Variants in RSU1 observed in about 807,000 individuals in gnomAD.
The protein encoded by RSU1 is rsu-1.
RSU1 carries 26 observed loss-of-function variants against 31.1 expected under a neutral mutation model. The observed-to-expected ratio is 0.84, with a 90% CI of 0.61 to 1.16. RSU1 has a LOEUF of 1.16. Among genes scored for constraint, RSU1 ranks in the 50% most tolerant of loss-of-function variants. The pLI is 0.00. For synonymous variants in RSU1, 164 were observed against 136.3 expected, an observed-to-expected ratio of 1.20 and a Z score of -1.41; for missense variants, 320 against 339.1, an observed-to-expected ratio of 0.94 and a Z score of 0.44.
chr10:16,815,515 C>G (rs1838510383), intron 2 of RSU1, among the ~76,000 whole-genome samples: 1 of 152,138 alleles, frequency 6.6e-6, no homozygotes, highest in South Asian at 2.1e-4. Flanking sequence ...AGTTGATATC[C>G]CAAACTCACA....
chr10:16,666,442 C>T (rs1314015072), intron 8 of RSU1, among the ~76,000 whole-genome samples: 1 of 152,198 alleles, frequency 6.6e-6, no homozygotes, highest in African/African-American at 2.4e-5. Flanking sequence ...AAGATACTTA[C>T]TTTAGACTTT....
chr10:16,594,699 T>C (rs955793291), intron 8 of RSU1, among the ~76,000 whole-genome samples: 4 of 147,428 alleles, frequency 2.7e-5, no homozygotes, highest in African/African-American at 9.9e-5. Flanking sequence ...ATTATATGTA[T>C]CATAGATAAT....
intron 7 of RSU1, among the ~76,000 whole-genome samples, chr10:16,715,595 G>C (rs1836124400): frequency 6.6e-6 from 1 of 152,148 alleles, no homozygotes; most frequent in East Asian, 1.9e-4. Flanking sequence ...GGGCACACTT[G>C]TCAAAAAATC....
intron 7 of RSU1, among the ~76,000 whole-genome samples, chr10:16,712,617 C>A (rs973964013): frequency 6.6e-6 from 1 of 152,132 alleles, no homozygotes; most frequent in Non-Finnish European, 1.5e-5. Flanking sequence ...TAACCCCATA[C>A]ACAATTAATA....
intron 2 of RSU1, among the ~76,000 whole-genome samples, chr10:16,806,041 A>G (rs1458984188): frequency 5.3e-5 from 8 of 152,220 alleles, no homozygotes; most frequent in South Asian, 4.1e-4. Context: ...TTGCTTTGAA[A>G]ATCTGTCAAC....
chr10:16,762,557 CCTTTT>C (rs1272459976), intron 4 of RSU1, among the ~76,000 whole-genome samples: 1 of 151,698 alleles, frequency 6.6e-6, no homozygotes, highest in Non-Finnish European at 1.5e-5. Context: ...GTTCCTCCCT[CCTTTT>C]AACTTCACTT....
At chr10:16,726,906 C>T (rs928292024) in intron 7 of RSU1, 1 of 377,654 alleles carries the variant, frequency 2.6e-6, no homozygotes, top group Non-Finnish European at 5.3e-6. Flanking sequence ...ATCCACCATG[C>T]AGAAGGGCGT....
chr10:16,711,041 G>A (rs1289321602), intron 7 of RSU1, among the ~76,000 whole-genome samples: 2 of 152,082 alleles, frequency 1.3e-5, no homozygotes, highest in Non-Finnish European at 2.9e-5. Flanking sequence ...GTGTATATGT[G>A]CCACATTTTC....
intron 3 of RSU1, among the ~76,000 whole-genome samples, chr10:16,771,586 T>C (rs1461227688): frequency 1.3e-5 from 2 of 152,206 alleles, no homozygotes; most frequent in African/African-American, 2.4e-5. Flanking sequence ...ATAATTACAT[T>C]CTTCAGCACT....
At chr10:16,747,455 A>C (rs1378868344) in intron 7 of RSU1, among the ~76,000 whole-genome samples, 1 of 151,988 alleles carries the variant, frequency 6.6e-6, no homozygotes, top group Non-Finnish European at 1.5e-5. Context: ...ACTCTTCCTA[A>C]AATCTTTCCC....
chr10:16,629,201 G>A (rs1834207395), intron 8 of RSU1, among the ~76,000 whole-genome samples: 1 of 152,142 alleles, frequency 6.6e-6, no homozygotes, highest in African/African-American at 2.4e-5. Flanking sequence ...CGGTGGGTCT[G>A]GGGTGGGGCC....
intron 7 of RSU1, among the ~76,000 whole-genome samples, chr10:16,721,908 C>G (rs1352741425): frequency 2.0e-5 from 3 of 152,130 alleles, no homozygotes; most frequent in Admixed American, 2.0e-4. Flanking sequence ...CAATGTAAAG[C>G]TGTTAGAACA....
At chr10:16,777,896 A>G (rs573186066) in intron 3 of RSU1, among the ~76,000 whole-genome samples, 1 of 152,300 alleles carries the variant, frequency 6.6e-6, no homozygotes, top group Admixed American at 6.5e-5. Context: ...GCGGTCATGA[A>G]AACAGTTTCC....
intron 8 of RSU1, among the ~76,000 whole-genome samples, chr10:16,669,283 T>G (rs1403601090): frequency 1.3e-5 from 2 of 152,086 alleles, no homozygotes; most frequent in African/African-American, 4.8e-5. Flanking sequence ...AATGTAGAAC[T>G]GTCATTCAAA....
chr10:16,809,517 T>G (rs779181870), intron 2 of RSU1, among the ~76,000 whole-genome samples: 3 of 152,186 alleles, frequency 2.0e-5, no homozygotes, highest in Non-Finnish European at 4.4e-5. Context: ...GGCTCAACAC[T>G]GACCCCTGCT....
chr10:16,591,957 T>TATCA lies in RSU1; in HGVS notation c.*1433_*1436dup, dbSNP rs1356040385. 4.0e-5 allele frequency: 6 copies of TATCA among 151,662 alleles called. No individual in the cohort carries two copies. The highest frequency in any genetic ancestry group is 7.3e-5 in the African/African-American group (3 of 40,892). 9.4% of individuals were successfully genotyped at this position (151,662 alleles called of 1,614,324 possible). A position where few individuals can be genotyped will look rare whatever the true frequency, so the allele number is the denominator to read the frequency against. ...AGCCACTTCCCACATTTAAATGTTC[T>TATCA]ATCAGGAATTTGTCTAGAAGCCAGA... On this transcript the variant is annotated 3_prime_UTR_variant, in exon 9 of 9. Coordinates refer to ENST00000345264, the MANE Select transcript of RSU1 (RefSeq NM_012425.4).
intron 2 of RSU1, among the ~76,000 whole-genome samples, chr10:16,792,526 C>T (rs115715546): frequency 0.013 from 1,948 of 152,294 alleles, 54 homozygotes; most frequent in African/African-American, 0.043. Context: ...CCACTGCGCC[C>T]GGCCAGGGCT....
intron 4 of RSU1, 131 bp downstream of exon 4, chr10:16,764,259 A>T (rs1428229868): frequency 9.0e-7 from 1 of 1,109,438 alleles, no homozygotes; most frequent in Non-Finnish European, 1.2e-6. Context: ...TTTTTTTAAG[A>T]CCCAAAACAT....
At chr10:16,800,885 A>G (rs183397330) in intron 2 of RSU1, among the ~76,000 whole-genome samples, 5 of 152,160 alleles carry the variant, frequency 3.3e-5, no homozygotes, top group South Asian at 2.1e-4. Context: ...AGAAAACGGA[A>G]TATGTTGTGA....
Sources: allele counts gnomAD v4.1 joint callset (sites outside exome capture counted in the v4.1 genomes callset), GRCh38; gene constraint gnomAD v4.1.1; transcripts MANE v1.5; gene names NCBI Gene and HGNC (gene_info 2026-07-23, HGNC 2026-07-21).